NXPE4: variants seen among roughly 807,000 people sequenced by gnomAD.
The protein encoded by NXPE4 is NXPE family member 4.
Under a neutral mutation model 33.3 loss-of-function variants are expected in NXPE4, and 42 were observed. The ratio of observed to expected loss-of-function variants is 1.26; its 90% CI spans 0.98 to 1.63. The LOEUF (loss-of-function observed/expected upper bound fraction) is 1.63. NXPE4 is among the 40% of genes most tolerant of loss of function. The pLI is 0.00. For missense variants in NXPE4, 709 were observed against 647.6 expected (o/e 1.09, Z -1.03); for synonymous variants, 253 against 234.9 (o/e 1.08, Z -0.71).
At chr11:114,625,497 G>A in the NXPE4 span, among the ~76,000 whole-genome samples, 1,246 of 152,252 alleles carry the variant, frequency 8.2e-3, 18 homozygotes, top group African/African-American at 0.028. Context: ...GGCCTCGTGG[G>A]TAACCACTGT....
chr11:114,615,836 G>A, the NXPE4 span, among the ~76,000 whole-genome samples: 2 of 151,574 alleles, frequency 1.3e-5, no homozygotes, highest in Admixed American at 1.3e-4. Flanking sequence ...GTTACCCTGT[G>A]GATAATAAGA....
the NXPE4 span, among the ~76,000 whole-genome samples, chr11:114,640,061 T>C: frequency 1.7e-4 from 20 of 117,616 alleles, no homozygotes; most frequent in African/African-American, 5.4e-4. Context: ...ATATAATTTA[T>C]TTAAAATATA....
the NXPE4 span, among the ~76,000 whole-genome samples, chr11:114,603,380 C>A: frequency 6.6e-6 from 1 of 151,192 alleles, no homozygotes; most frequent in East Asian, 1.9e-4. Context: ...ATAAGTATTT[C>A]CTCATCTCCT....
intron 2 of NXPE4, among the ~76,000 whole-genome samples, chr11:114,589,153 G>T (rs559897340): frequency 1.2e-4 from 19 of 152,098 alleles, no homozygotes; most frequent in African/African-American, 4.6e-4. Context: ...AAGCCACCTC[G>T]ACCCTCTCTA....
At chr11:114,638,457 TCTCAA>T in the NXPE4 span, among the ~76,000 whole-genome samples, 2 of 152,114 alleles carry the variant, frequency 1.3e-5, no homozygotes, top group African/African-American at 4.8e-5. Flanking sequence ...AGCCTTCTTC[TCTCAA>T]CTCATCAAAG....
At chr11:114,574,779 A>G (rs1948961080) in intron 5 of NXPE4, among the ~76,000 whole-genome samples, 1 of 152,028 alleles carries the variant, frequency 6.6e-6, no homozygotes, top group Non-Finnish European at 1.5e-5. Context: ...AAATTCAAAC[A>G]AATCCTATTC....
the NXPE4 span, among the ~76,000 whole-genome samples, chr11:114,610,279 G>A: frequency 4.0e-5 from 6 of 151,792 alleles, no homozygotes; most frequent in East Asian, 3.9e-4. Flanking sequence ...TTGCCTACCC[G>A]GTGGATAATA....
the NXPE4 span, among the ~76,000 whole-genome samples, chr11:114,617,450 A>T: frequency 7.2e-6 from 1 of 139,242 alleles, no homozygotes; most frequent in Non-Finnish European, 1.6e-5. Flanking sequence ...TGCCTCGTGG[A>T]TAACCACTGT....
chr11:114,596,049 G>C (rs1949567858), upstream of NXPE4, among the ~76,000 whole-genome samples: 4 of 152,136 alleles, frequency 2.6e-5, no homozygotes, highest in Admixed American at 2.6e-4. Context: ...AGAGCCACAA[G>C]TTTGAATGAT....
At position 114,571,285 on chromosome 11, in the gene NXPE4, C is replaced by G; in HGVS notation, c.1288G>C (p.Val430Leu). 6.2e-7 allele frequency: 1 copy of G among 1,613,990 alleles called. No homozygotes were observed. Among genetic ancestry groups the G allele is most frequent in the Non-Finnish European group, 8.5e-7 (1 of 1,179,928 alleles). ...IDRTGGEKNT[V>L]IVISLGQHFR... ...TGCTGGCCCAGGGAAATAACAATGA[C>G]AGTATTTTTTTCTCCTCCAGTTCTG... The change falls in exon 6 of 6, where the codon GTC (valine) becomes CTC (leucine). Residue 430 changes from valine to leucine, a missense_variant. Val to Leu is a conservative substitution (Grantham distance 32). Transcript: ENST00000375478.
chr11:114,601,829 T>C, the NXPE4 span, among the ~76,000 whole-genome samples: 5 of 70,554 alleles, frequency 7.1e-5, no homozygotes, highest in East Asian at 4.5e-4. Context: ...ATATAATATA[T>C]AATTATATAT....
At chr11:114,620,523 AGG>A in the NXPE4 span, among the ~76,000 whole-genome samples, 4 of 151,624 alleles carry the variant, frequency 2.6e-5, no homozygotes, top group African/African-American at 9.7e-5. Context: ...AACCACTTTA[AGG>A]CGGTAGATAA....
At chr11:114,573,791 T>C (rs1948941476) in intron 5 of NXPE4, among the ~76,000 whole-genome samples, 1 of 152,056 alleles carries the variant, frequency 6.6e-6, no homozygotes, top group African/African-American at 2.4e-5. Flanking sequence ...CTGACAGCGC[T>C]AGACTGGTCA....
the NXPE4 span, among the ~76,000 whole-genome samples, chr11:114,623,243 T>A: frequency 6.6e-6 from 1 of 152,036 alleles, no homozygotes; most frequent in Non-Finnish European, 1.5e-5. Flanking sequence ...ATAACCACTG[T>A]TTCCCGGTGG....
At chr11:114,598,733 T>G (rs1591360962), upstream of NXPE4, among the ~76,000 whole-genome samples, 1 of 152,032 alleles carries the variant, frequency 6.6e-6, no homozygotes, top group South Asian at 2.1e-4. Context: ...CTGTGCAGGG[T>G]GACAGGGCCC....
the NXPE4 span, among the ~76,000 whole-genome samples, chr11:114,655,075 T>A: frequency 2.0e-5 from 3 of 152,358 alleles, no homozygotes; most frequent in East Asian, 3.9e-4. Context: ...TGACCAGTGA[T>A]AATGAGCTTT....
the NXPE4 span, among the ~76,000 whole-genome samples, chr11:114,625,447 C>T: frequency 6.6e-6 from 1 of 152,104 alleles, no homozygotes; most frequent in Non-Finnish European, 1.5e-5. Flanking sequence ...ATAAGTATTG[C>T]CTCTTGGGTA....
the NXPE4 span, among the ~76,000 whole-genome samples, chr11:114,649,857 T>C: frequency 6.6e-6 from 1 of 152,222 alleles, no homozygotes; most frequent in Non-Finnish European, 1.5e-5. Context: ...CTGACACTCC[T>C]TTCAGTTACA....
chr11:114,639,280 G>A, the NXPE4 span, among the ~76,000 whole-genome samples: 2 of 152,064 alleles, frequency 1.3e-5, no homozygotes, highest in South Asian at 2.1e-4. Context: ...CCAGGTGCAG[G>A]ATATAATCTC....
Sources: gnomAD v4.1 joint callset for allele counts (sites outside exome capture counted in the v4.1 genomes callset) on GRCh38, gnomAD v4.1.1 for gene constraint, MANE v1.5 for transcripts, NCBI Gene and HGNC (gene_info 2026-07-23, HGNC 2026-07-21) for gene names.